The following FOCAD variants were observed in gnomAD, a reference collection of about 807,000 sequenced individuals.
FOCAD encodes the protein KIAA1797.
FOCAD carries 198 observed loss-of-function variants against 225.6 expected under a neutral mutation model. That is an observed-to-expected ratio of 0.88 (90% confidence interval 0.78 to 0.99). The LOEUF is 0.99. Ranked by LOEUF, FOCAD falls within the 50% of genes least tolerant of loss-of-function variation. The probability of loss-of-function intolerance (pLI) is 0.00; values close to 1 mark genes in which losing one functional copy is unlikely to be tolerated. For synonymous variants in FOCAD, 897 were observed against 755.0 expected, an observed-to-expected ratio of 1.19 and a Z score of -3.08; for missense variants, 2,713 against 2,123.6, an observed-to-expected ratio of 1.28 and a Z score of -5.46.
intron 39 of FOCAD, among the ~76,000 whole-genome samples, chr9:20,983,343 G>A (rs1003622147): frequency 6.6e-6 from 1 of 152,122 alleles, no homozygotes; most frequent in Non-Finnish European, 1.5e-5. Flanking sequence ...GGAGGCCGAG[G>A]CGGGTGGATC....
intron 15 of FOCAD, among the ~76,000 whole-genome samples, chr9:20,856,807 A>G (rs538910374): frequency 1.3e-5 from 2 of 152,150 alleles, no homozygotes; most frequent in South Asian, 2.1e-4. Context: ...TCTTCTGCAT[A>G]TGGTTATCCA....
chr9:20,930,441 T>C (rs974970195), intron 27 of FOCAD, among the ~76,000 whole-genome samples: 4 of 152,196 alleles, frequency 2.6e-5, no homozygotes, highest in South Asian at 4.1e-4. Flanking sequence ...ACTTTGGAAA[T>C]ATGATAGTAG....
intron 35 of FOCAD, among the ~76,000 whole-genome samples, chr9:20,969,890 A>G (rs1243101065): frequency 3.3e-5 from 5 of 151,784 alleles, no homozygotes; most frequent in African/African-American, 4.8e-5. Flanking sequence ...GGGCATGTCT[A>G]TGGGTAACAA....
chr9:20,744,293 C>T (rs1052095720), intron 5 of FOCAD, among the ~76,000 whole-genome samples: 2 of 152,168 alleles, frequency 1.3e-5, no homozygotes, highest in African/African-American at 4.8e-5. Context: ...GCATTTTTAA[C>T]ACGGGATTTG....
At chr9:20,724,722 C>T (rs577710274) in intron 4 of FOCAD, among the ~76,000 whole-genome samples, 4 of 151,632 alleles carry the variant, frequency 2.6e-5, no homozygotes, top group South Asian at 4.1e-4. Flanking sequence ...TACTTTGTAC[C>T]GTTTATGTTT....
chr9:20,796,033 C>A (rs1175697502), intron 11 of FOCAD, among the ~76,000 whole-genome samples: 1 of 144,974 alleles, frequency 6.9e-6, no homozygotes, highest in Non-Finnish European at 1.5e-5. Flanking sequence ...TCTCATTGTT[C>A]AATTCCCACC....
rs561403390 is a variant in FOCAD at position 20,899,698 on chromosome 9, A to G, written c.2626-7452A>G. On this transcript the variant is annotated intron_variant, in intron 21 of 43. Transcript: ENST00000338382. ...GAGCTACATGGTTGCTAAACTAAGT[A>G]ATTTTCAATGCTATGGAGAGCTAGC... 1.1e-4 allele frequency among the ~76,000 whole-genome samples: 17 copies of G among 152,130 alleles called. 1 individual carries two copies. In the South Asian group the frequency reaches 3.5e-3, roughly 32 times the overall value.
chr9:20,940,740 A>T (rs1299464950), intron 28 of FOCAD, among the ~76,000 whole-genome samples: 1 of 152,214 alleles, frequency 6.6e-6, no homozygotes, highest in African/African-American at 2.4e-5. Flanking sequence ...GTTTACAGAT[A>T]AAGAATGTGA....
At chr9:20,822,017 A>C (rs1824379998) in intron 14 of FOCAD, among the ~76,000 whole-genome samples, 1 of 150,526 alleles carries the variant, frequency 6.6e-6, no homozygotes, top group Admixed American at 6.6e-5. Context: ...AAAAAAAAAA[A>C]AAAAAAGGAG....
intron 11 of FOCAD, among the ~76,000 whole-genome samples, chr9:20,790,355 T>C (rs1421471025): frequency 6.6e-6 from 1 of 152,228 alleles, no homozygotes. Flanking sequence ...CTCTCTTTAT[T>C]AGTATCTGTG....
chr9:20,875,894 A>G (rs1025975670), intron 19 of FOCAD: 1 of 152,130 alleles, frequency 6.6e-6, no homozygotes, highest in Non-Finnish European at 1.5e-5. Flanking sequence ...TTACAATTCT[A>G]CTTTGAATGT....
At chr9:20,968,686 A>C (rs1839493739) in intron 35 of FOCAD, among the ~76,000 whole-genome samples, 1 of 151,502 alleles carries the variant, frequency 6.6e-6, no homozygotes, top group Non-Finnish European at 1.5e-5. Flanking sequence ...TGATCTGCCC[A>C]CCTCGGCCTC....
intron 14 of FOCAD, 79 bp from the exon 15 acceptor site, chr9:20,822,910 T>A (rs1297603913): frequency 8.6e-6 from 12 of 1,388,266 alleles, no homozygotes; most frequent in Non-Finnish European, 1.1e-5. Flanking sequence ...TGATGGATGC[T>A]TTTTGTTTAG....
chr9:20,867,039 A>G, intron 18 of FOCAD, 27 bp downstream of exon 18: 1 of 1,447,932 alleles, frequency 6.9e-7, no homozygotes, highest in Non-Finnish European at 9.5e-7. Flanking sequence ...TCTCACTGGT[A>G]TTTCTTAATT....
intron 42 of FOCAD, among the ~76,000 whole-genome samples, chr9:20,992,512 G>A (rs895655359): frequency 5.3e-5 from 8 of 152,182 alleles, no homozygotes; most frequent in Non-Finnish European, 8.8e-5. Flanking sequence ...GGGCTCTGAA[G>A]CCAAGTGTAC....
intron 27 of FOCAD, among the ~76,000 whole-genome samples, chr9:20,932,074 T>A (rs1033204612): frequency 3.3e-5 from 5 of 152,128 alleles, no homozygotes; most frequent in African/African-American, 1.2e-4. Flanking sequence ...ACAAAAATGA[T>A]CTCTTTAACA....
intron 31 of FOCAD, 78 bp downstream of exon 31, chr9:20,948,471 T>G (rs1023604529): frequency 2.7e-6 from 4 of 1,486,498 alleles, no homozygotes; most frequent in Non-Finnish European, 2.7e-6. Context: ...TTTATAGGAG[T>G]TGCTGAGATA....
intron 15 of FOCAD, among the ~76,000 whole-genome samples, chr9:20,831,315 A>T (rs1467412052): frequency 6.6e-6 from 1 of 152,130 alleles, no homozygotes; most frequent in Non-Finnish European, 1.5e-5. Flanking sequence ...GGGAAAGTAC[A>T]TTGGCACAGC....
intron 35 of FOCAD, among the ~76,000 whole-genome samples, chr9:20,975,681 A>C (rs747440639): frequency 6.6e-6 from 1 of 152,196 alleles, no homozygotes; most frequent in Non-Finnish European, 1.5e-5. Flanking sequence ...GCAACGTGGA[A>C]AATTTTTATC....
Sources: allele counts gnomAD v4.1 joint callset (sites outside exome capture counted in the v4.1 genomes callset), GRCh38; gene constraint gnomAD v4.1.1; transcripts MANE v1.5; gene names NCBI Gene and HGNC (gene_info 2026-07-23, HGNC 2026-07-21).